Variants in PPM1F observed in about 807,000 individuals in gnomAD.
PPM1F encodes the protein protein phosphatase, Mg2+/Mn2+ dependent 1F, also known as protein phosphatase 1F.
PPM1F carries 17 observed loss-of-function variants against 35.5 expected under a neutral mutation model. The observed-to-expected ratio is 0.48, with a 90% CI of 0.33 to 0.72. The LOEUF (loss-of-function observed/expected upper bound fraction) is 0.72. Ranked by LOEUF, PPM1F falls within the 30% of genes least tolerant of loss-of-function variation. The pLI, the probability that PPM1F is intolerant of heterozygous loss-of-function variation, is 0.02. For missense variants in PPM1F, 521 were observed against 613.0 expected (o/e 0.85, Z 1.59); for synonymous variants, 241 against 255.5 (o/e 0.94, Z 0.54).
At chr22:21,931,011 C>T (rs1477164348) in intron 6 of PPM1F, 137 bp downstream of exon 6, 1 of 1,405,536 alleles carries the variant, frequency 7.1e-7, no homozygotes, top group Non-Finnish European at 9.5e-7. Flanking sequence ...CCACTCAAAT[C>T]AGGCAGGGAG....
chr22:21,933,392 T>A lies in PPM1F; in HGVS notation c.746A>T (p.Glu249Val). The change falls in exon 5 of 8, where the codon GAG becomes GTG. Residue 249 changes from glutamate (E) to valine (V), a missense_variant and splice_region_variant. Coordinates refer to ENST00000263212, the MANE Select transcript of PPM1F (RefSeq NM_014634.4). ...TGAGGCCCAGCGGCCAGTCCTCACC[T>A]CTCGCTTGGCTTTCCTGAGAAACAT... is the stretch of plus-strand genomic sequence containing the variant. ...DQMFLRKAKR[E>V]RLQSGTTGVC... is the part of the protein sequence containing the mutation. The A allele has an allele frequency of 1.2e-6, 2 of 1,605,640 alleles. No homozygotes were observed. The highest frequency in any genetic ancestry group is 1.7e-6 in the Non-Finnish European group (2 of 1,176,464).
intron 4 of PPM1F, 60 bp from the exon 5 acceptor site, chr22:21,933,639 G>A (rs9607409): frequency 0.11 from 160,297 of 1,476,644 alleles, 9,205 homozygotes; most frequent in Non-Finnish European, 0.12. Context: ...CCAGTGGGGC[G>A]TGGCGCCAGG....
At chr22:21,945,796 G>T in intron 2 of PPM1F, 47 bp downstream of exon 2, 1 of 1,579,878 alleles carries the variant, frequency 6.3e-7, no homozygotes. Context: ...GTCGGCCCTG[G>T]TGCCGTGCCC....
intron 2 of PPM1F, chr22:21,944,770 A>G (rs2070760357): frequency 6.6e-6 from 1 of 152,246 alleles, no homozygotes; most frequent in South Asian, 2.1e-4. Context: ...ATGAATGAAT[A>G]AATGAAGGGG....
At chr22:21,942,592 G>T (rs1212940104) in intron 2 of PPM1F, 1 of 152,260 alleles carries the variant, frequency 6.6e-6, no homozygotes, top group African/African-American at 2.4e-5. Flanking sequence ...AGGGAGGAAG[G>T]ACGCCTGTTT....
chr22:21,930,934 G>A (rs888562723), intron 6 of PPM1F, among the ~76,000 whole-genome samples: 3 of 152,162 alleles, frequency 2.0e-5, no homozygotes, highest in Non-Finnish European at 2.9e-5. Flanking sequence ...GCTCTCCCCC[G>A]GAGCTCTGGG....
intron 6 of PPM1F, among the ~76,000 whole-genome samples, chr22:21,928,215 T>A (rs1258781792): frequency 6.6e-6 from 1 of 152,170 alleles, no homozygotes; most frequent in African/African-American, 2.4e-5. Flanking sequence ...CATTTCCTGC[T>A]TCCTAGGAGT....
rs1368012417 is a variant in PPM1F, at chr22:21,933,436, G to A, written c.702C>T (p.Ala234=). ...PTDPEGALRE[A]FRRTDQMFLR... is the part of the protein sequence containing the mutation. ...GAAACATCTGGTCGGTGCGCCGGAA[G>A]GCTTCTCTGAGGGCTCCCTCAGGGT... The change falls in exon 5 of 8, where the codon GCC becomes GCT. Residue 234 remains alanine, a synonymous_variant. Coordinates refer to ENST00000263212, the MANE Select transcript of PPM1F (RefSeq NM_014634.4). 6.2e-7 allele frequency: 1 copy of A among 1,612,990 alleles called. No individual in the cohort carries two copies. Among genetic ancestry groups the A allele is most frequent in the Non-Finnish European group, 8.5e-7 (1 of 1,179,924 alleles).
Position 21,923,420 on chromosome 22 carries a change from C to A in PPM1F, c.1037G>T (p.Arg346Leu). Residue 346 changes from arginine to leucine, a missense_variant, in exon 8 of 8, where the codon CGG becomes CTG. Physicochemically the swap from Arg to Leu is moderately radical, Grantham distance 102. Transcript: ENST00000263212. ...YVSGEADAAS[R>L]ALTGSEDYLL... ...GTAGTCCTCGGAGCCCGTCAGCGCC[C>A]GGGAAGCTGCATCGGCCTCCCCAGA... The A allele has an allele frequency of 6.2e-7, 1 of 1,613,366 alleles. No homozygotes were observed. The highest frequency in any genetic ancestry group is 1.1e-5 in the South Asian group (1 of 91,064).
In PPM1F at chr22:21,933,760, C is replaced by T. The variant is rs897418473; in HGVS notation, c.559-181G>A. Among the ~76,000 whole-genome samples, 60 of 152,210 alleles carry T rather than the reference C, an allele frequency of 3.9e-4. 1 individual carries two copies. The highest frequency in any genetic ancestry group is 8.8e-5 in the Non-Finnish European group (6 of 68,040). The stretch of plus-strand genomic sequence containing the variant: ...CTCGCGGGAGCCTCGGTTTCACCAT[C>T]TGTTATGAGTTGCTACAAGCATAAA... On this transcript the variant is annotated intron_variant, in intron 4 of 7. Transcript: ENST00000263212.
Position 21,934,085 on chromosome 22 carries a change from C to A in PPM1F, c.497G>T (p.Arg166Leu). 1.9e-6 allele frequency: 3 copies of A among 1,564,316 alleles called. No individual in the cohort carries two copies. The highest frequency in any genetic ancestry group is 2.4e-5 in the South Asian group (2 of 85,080). The change falls in exon 4 of 8, where the codon CGC (arginine) becomes CTC (leucine). Residue 166 changes from arginine (R) to leucine (L), a missense_variant. This residue lies in a region of PPM1F where 311 missense variants were observed against 351.5 expected (regional missense o/e 0.88). Coordinates refer to ENST00000263212, the MANE Select transcript of PPM1F (RefSeq NM_014634.4). The stretch of plus-strand genomic sequence containing the variant: ...CACGTGCCGGTCCTCCATCTTGCGG[C>A]GAGTGTTCCGGATGGCGTGGATGGA... ...LVSIHAIRNT[R>L]RKMEDRHVSL...
chr22:21,939,304 C>T lies in PPM1F; in HGVS notation c.355+228G>A, dbSNP rs2070697787. On this transcript the variant is annotated intron_variant, in intron 3 of 7. Coordinates refer to ENST00000263212, the MANE Select transcript of PPM1F (RefSeq NM_014634.4). This position sits in a 1 kb window ranked among gnomAD's most constrained non-coding sequence, Gnocchi z 5.1. Reference sequence around the variant, plus strand: ...CACAGGAGGGTGTCTGCACCACCCACCCCTGCCTCGTGGGCTGACTGGGAA... The same window carrying T: ...CACAGGAGGGTGTCTGCACCACCCATCCCTGCCTCGTGGGCTGACTGGGAA... The T allele has an allele frequency of 1.7e-6, 1 of 584,332 alleles. No homozygotes were observed. Among genetic ancestry groups the T allele is most frequent in the African/African-American group, 1.9e-5 (1 of 53,454 alleles). The allele number at this position is 584,332 out of a possible 1,614,324, so 36.2% of individuals were successfully genotyped here.
At chr22:21,931,412 A>G in intron 5 of PPM1F, 121 bp from the exon 6 acceptor site, 1 of 1,011,222 alleles carries the variant, frequency 9.9e-7, no homozygotes, top group Non-Finnish European at 1.4e-6. Context: ...AGGAATCCAC[A>G]GGTGTATATG....
Position 21,922,606 on chromosome 22 carries a change from A to G in PPM1F, c.*486T>C, listed in dbSNP as rs1313385305. ...TGGCCGACCAGGACTGGCTGGGCAT[A>G]TCTGTAAATATGAACCCACCTGGCC... On this transcript the variant is annotated 3_prime_UTR_variant, in exon 8 of 8. Coordinates refer to ENST00000263212, the MANE Select transcript of PPM1F (RefSeq NM_014634.4). 6.5e-6 allele frequency: 1 copy of G among 154,408 alleles called. No homozygotes were observed. The highest frequency in any genetic ancestry group is 6.4e-5 in the Admixed American group (1 of 15,520). 9.6% of individuals were successfully genotyped at this position (154,408 alleles called of 1,614,324 possible).
In PPM1F at chr22:21,927,315, G is replaced by A. The variant is rs183440478; in HGVS notation, c.892-1653C>T. 1.6e-4 allele frequency among the ~76,000 whole-genome samples: 24 copies of A among 152,322 alleles called. No individual in the cohort carries two copies. In the East Asian group the frequency reaches 4.1e-3, roughly 26 times the overall value. ...CACACATACATGTGCCCACACACACGCGTGAAGGCGCCTGCAGACGGCGAG... is the reference window on the plus strand; with the variant it reads ...CACACATACATGTGCCCACACACACACGTGAAGGCGCCTGCAGACGGCGAG... On this transcript the variant is annotated intron_variant, in intron 6 of 7. Coordinates refer to ENST00000263212, the MANE Select transcript of PPM1F (RefSeq NM_014634.4).
chr22:21,928,219 T>C (rs1315174601), intron 6 of PPM1F, among the ~76,000 whole-genome samples: 1 of 152,178 alleles, frequency 6.6e-6, no homozygotes, highest in African/African-American at 2.4e-5. Flanking sequence ...TCCTGCTTCC[T>C]AGGAGTGCAG....
intron 1 of PPM1F, chr22:21,951,258 T>TGGGCTGA (rs2070833813): frequency 6.6e-6 from 1 of 150,762 alleles, no homozygotes; most frequent in African/African-American, 2.4e-5. Context: ...GCGGGTGGCA[T>TGGGCTGA]GGGCTGAGGA....
At position 21,923,411 on chromosome 22, in the gene PPM1F, G is replaced by T; in HGVS notation, c.1046C>A (p.Thr349Lys). The T allele has an allele frequency of 6.2e-7, 1 of 1,613,712 alleles. No individual in the cohort carries two copies. The highest frequency in any genetic ancestry group is 8.5e-7 in the Non-Finnish European group (1 of 1,179,922). ...GEADAASRAL[T>K]GSEDYLLLAC... ...AAGCAGCAGGTAGTCCTCGGAGCCC[G>T]TCAGCGCCCGGGAAGCTGCATCGGC... The change falls in exon 8 of 8, where the codon ACG becomes AAG. Residue 349 changes from threonine to lysine, a missense_variant. Physicochemically the swap from Thr to Lys is moderately conservative, Grantham distance 78. Coordinates refer to ENST00000263212, the MANE Select transcript of PPM1F (RefSeq NM_014634.4).
Position 21,946,610 on chromosome 22 carries a change from G to A in PPM1F, c.-60-502C>T, listed in dbSNP as rs149580717. The A allele has an allele frequency of 6.7e-3, 1,025 of 153,116 alleles. 10 individuals are homozygous for A. Among genetic ancestry groups the A allele is most frequent in the African/African-American group, 0.023 (959 of 41,526 alleles). 9.5% of individuals were successfully genotyped at this position (153,116 alleles called of 1,614,324 possible). A position where few individuals can be genotyped will look rare whatever the true frequency, so the allele number is the denominator to read the frequency against. ...AAAGAGAAGGGCCAAGATGCGGGAGGCCGGCCCAGGGCTGTTTTGGAGATA... is the reference window on the plus strand; with the variant it reads ...AAAGAGAAGGGCCAAGATGCGGGAGACCGGCCCAGGGCTGTTTTGGAGATA... On this transcript the variant is annotated intron_variant, in intron 1 of 7. Transcript: ENST00000263212.
Sources: allele counts gnomAD v4.1 joint callset (sites outside exome capture counted in the v4.1 genomes callset), GRCh38; gene constraint gnomAD v4.1.1; regional missense constraint gnomAD v4.1.1; non-coding constraint Gnocchi (gnomAD v3.1); transcripts MANE v1.5; gene names NCBI Gene and HGNC (gene_info 2026-07-23, HGNC 2026-07-21).